Variants in FOXP1 observed in about 807,000 individuals in gnomAD.
FOXP1 encodes forkhead box protein P1.
In FOXP1, 15 loss-of-function variants were observed where a neutral mutation model predicts 98.2. That is an observed-to-expected ratio of 0.15 (90% confidence interval 0.10 to 0.24). The LOEUF (loss-of-function observed/expected upper bound fraction) is 0.24. Ranked by LOEUF, FOXP1 falls within the 10% of genes least tolerant of loss-of-function variation. The probability of loss-of-function intolerance (pLI) is 1.00; values close to 1 mark genes in which losing one functional copy is unlikely to be tolerated. For missense variants in FOXP1, 633 were observed against 848.5 expected (o/e 0.75, Z 3.15); for synonymous variants, 371 against 314.5 (o/e 1.18, Z -1.90).
chr3:71,390,561 A>ATG lies in FOXP1; in HGVS notation c.-167-31319_-167-31318dup, dbSNP rs145451457. On this transcript the variant is annotated intron_variant, in intron 3 of 20. Coordinates refer to ENST00000649528, the MANE Select transcript of FOXP1 (RefSeq NM_001349338.3). ...GCCTCATGGATGGGCGTCAGTAAGG[A>ATG]TGTGTGTGTGTGTGGTGGGGAGGGG... is the stretch of plus-strand genomic sequence containing the variant. 8.9e-3 allele frequency among the ~76,000 whole-genome samples: 983 copies of ATG among 110,596 alleles called. 2 individuals are homozygous for ATG. Among genetic ancestry groups the ATG allele is most frequent in the Non-Finnish European group, 0.012 (710 of 58,498 alleles). The allele number at this position is 110,596 out of a possible 152,430, so 72.6% of individuals were successfully genotyped here.
chr3:71,552,000 C>G (rs930397230), intron 2 of FOXP1, among the ~76,000 whole-genome samples: 80 of 152,232 alleles, frequency 5.3e-4, no homozygotes, highest in Middle Eastern at 6.8e-3. Flanking sequence ...AATATTCAAC[C>G]AAGCATGCCA....
chr3:71,032,168 G>A (rs1160914457), intron 11 of FOXP1, among the ~76,000 whole-genome samples: 1 of 152,244 alleles, frequency 6.6e-6, no homozygotes, highest in Non-Finnish European at 1.5e-5. Context: ...CTGTGAATGG[G>A]ACAGATTGCC....
rs1553648185 is a variant in FOXP1, at chr3:70,955,832, G to GCACGCACACACACACA, written c.*3414_*3415insTGTGTGTGTGTGCGTG. On this transcript the variant is annotated 3_prime_UTR_variant, in exon 21 of 21. Coordinates refer to ENST00000649528, the MANE Select transcript of FOXP1 (RefSeq NM_001349338.3). ...AACAGATTAACACACACGCACGCGC[G>GCACGCACACACACACA]CACACACACACACACACACACACAA... is the stretch of plus-strand genomic sequence containing the variant. 5 of 221,538 alleles carry GCACGCACACACACACA rather than the reference G, an allele frequency of 2.3e-5. No individual in the cohort carries two copies. Among genetic ancestry groups the GCACGCACACACACACA allele is most frequent in the African/African-American group, 1.1e-4 (5 of 44,102 alleles). 13.7% of individuals were successfully genotyped at this position (221,538 alleles called of 1,614,324 possible). A position where few individuals can be genotyped will look rare whatever the true frequency, so the allele number is the denominator to read the frequency against.
At chr3:70,996,920 G>GC (rs1007690605) in intron 13 of FOXP1, among the ~76,000 whole-genome samples, 1 of 152,188 alleles carries the variant, frequency 6.6e-6, no homozygotes, top group Non-Finnish European at 1.5e-5. Context: ...CTAATACAGT[G>GC]ATCATCCCCC....
intron 6 of FOXP1, among the ~76,000 whole-genome samples, chr3:71,115,873 A>G (rs2058338062): frequency 1.3e-5 from 2 of 151,402 alleles, no homozygotes; most frequent in Non-Finnish European, 2.9e-5. Context: ...AGTAGCTGGG[A>G]CTACAGGCAC....
intron 2 of FOXP1, among the ~76,000 whole-genome samples, chr3:71,580,108 T>C (rs1382017611): frequency 6.6e-6 from 1 of 151,462 alleles, no homozygotes; most frequent in African/African-American, 2.4e-5. Flanking sequence ...CTGTTTGATC[T>C]CTCCTGCTTC....
intron 18 of FOXP1, 63 bp from the exon 19 acceptor site, chr3:70,970,868 GTTTTGTTTTAAGCTT>G (rs1393710818): frequency 1.7e-5 from 23 of 1,333,694 alleles, no homozygotes; most frequent in Middle Eastern, 1.9e-4. Context: ...TCCTAGCTAA[GTTTTGTTTTAAGCTT>G]GCTGGTGCCC....
intron 9 of FOXP1, among the ~76,000 whole-genome samples, chr3:71,048,703 C>G (rs2107019502): frequency 6.7e-6 from 1 of 149,698 alleles, no homozygotes; most frequent in Non-Finnish European, 1.5e-5. Flanking sequence ...ACTTCTTCAA[C>G]AGATATTAAC....
chr3:71,568,423 T>A (rs552066647), intron 2 of FOXP1, among the ~76,000 whole-genome samples: 2 of 152,220 alleles, frequency 1.3e-5, no homozygotes, highest in South Asian at 4.2e-4. Flanking sequence ...AGTTTCTGAA[T>A]CTCAGGCAGA....
intron 3 of FOXP1, among the ~76,000 whole-genome samples, chr3:71,413,288 A>ACACACACACC (rs1261716854): frequency 6.9e-6 from 1 of 144,468 alleles, no homozygotes; most frequent in Non-Finnish European, 1.5e-5. Flanking sequence ...ACACACACAC[A>ACACACACACC]CACCCAAAAC....
rs6784573 is a variant in FOXP1, at chr3:71,204,904, G to A, written c.-11-6512C>T. On this transcript the variant is annotated intron_variant, in intron 5 of 20. Coordinates refer to ENST00000649528, the MANE Select transcript of FOXP1 (RefSeq NM_001349338.3). ...TGTCTATCCACTGTCCTCCTGACCC[G>A]GGTCCCATTTCATGGAAAGACTACC... Among the ~76,000 whole-genome samples the A allele has an allele frequency of 6.2e-3, 939 of 152,208 alleles. 13 individuals are homozygous for A. The highest frequency in any genetic ancestry group is 0.022 in the African/African-American group (900 of 41,536).
intron 2 of FOXP1, among the ~76,000 whole-genome samples, chr3:71,568,893 C>G (rs1483679395): frequency 6.6e-6 from 1 of 152,168 alleles, no homozygotes; most frequent in Non-Finnish European, 1.5e-5. Context: ...GTGATCCACC[C>G]GCCTTGGCCT....
At chr3:71,341,093 G>GA (rs1211748710) in intron 4 of FOXP1, among the ~76,000 whole-genome samples, 1 of 152,118 alleles carries the variant, frequency 6.6e-6, no homozygotes, top group Non-Finnish European at 1.5e-5. Flanking sequence ...TAGAAGGCAT[G>GA]AACAACACTA....
intron 2 of FOXP1, among the ~76,000 whole-genome samples, chr3:71,551,169 A>G (rs747335781): frequency 6.6e-6 from 1 of 152,190 alleles, no homozygotes; most frequent in Non-Finnish European, 1.5e-5. Context: ...TTAAATGTTC[A>G]AAGGGGTAAA....
At chr3:71,582,838 C>G (rs1472616412) in intron 1 of FOXP1, 2 of 977,682 alleles carry the variant, frequency 2.0e-6, no homozygotes, top group Non-Finnish European at 2.4e-6. Flanking sequence ...GGAGAGCTTC[C>G]TCGCCGCTGA....
chr3:71,149,703 G>A (rs752249387), intron 6 of FOXP1, among the ~76,000 whole-genome samples: 3 of 152,084 alleles, frequency 2.0e-5, no homozygotes, highest in Admixed American at 2.0e-4. Flanking sequence ...AATTCAGCTC[G>A]TGATGTAAAA....
intron 4 of FOXP1, among the ~76,000 whole-genome samples, chr3:71,355,236 A>G (rs1485553529): frequency 6.6e-6 from 1 of 152,232 alleles, no homozygotes; most frequent in Non-Finnish European, 1.5e-5. Flanking sequence ...ACTCTGACTG[A>G]TTCAACAAAT....
intron 5 of FOXP1, chr3:71,244,805 G>A (rs941052574): frequency 6.6e-6 from 1 of 151,990 alleles, no homozygotes; most frequent in African/African-American, 2.4e-5. Context: ...TATCACTGAT[G>A]AGCATTAGTT....
intron 6 of FOXP1, among the ~76,000 whole-genome samples, chr3:71,122,688 C>T (rs1056942352): frequency 2.6e-5 from 4 of 152,148 alleles, no homozygotes; most frequent in African/African-American, 4.8e-5. Flanking sequence ...AAGGGAAGTT[C>T]GGGAAAGTTT....
Sources: gnomAD v4.1 joint callset for allele counts (sites outside exome capture counted in the v4.1 genomes callset) on GRCh38, gnomAD v4.1.1 for gene constraint, MANE v1.5 for transcripts, NCBI Gene and HGNC (gene_info 2026-07-23, HGNC 2026-07-21) for gene names.